Variants in OR51G2 observed in about 807,000 individuals in gnomAD.
The protein encoded by OR51G2 is olfactory receptor family 51 subfamily G member 2, also known as olfactory receptor 51G2.
OR51G2 carries 13 observed loss-of-function variants against 11.8 expected under a neutral mutation model. The ratio of observed to expected loss-of-function variants is 1.10; its 90% CI spans 0.72 to 1.76. The LOEUF is 1.76. Ranked by LOEUF, OR51G2 falls within the 40% of genes most tolerant of loss-of-function variation. OR51G2 has a pLI of 0.00. For missense variants in OR51G2, 474 were observed against 394.4 expected, an observed-to-expected ratio of 1.20 and a Z score of -1.71; for synonymous variants, 178 against 151.9, an observed-to-expected ratio of 1.17 and a Z score of -1.26.
rs1044737742 is a variant in OR51G2, at chr11:4,915,683, G to C, written c.-20C>G. Reference sequence around the variant, plus strand: ...GGTCATTGTGTGAGGAGACAAGGGGGAAGGTGGGTGCCCTCCAAAATCCTG... The same window carrying C: ...GGTCATTGTGTGAGGAGACAAGGGGCAAGGTGGGTGCCCTCCAAAATCCTG... On this transcript the variant is annotated 5_prime_UTR_variant, in exon 2 of 2. Transcript: ENST00000641926. 3 of 1,575,844 alleles carry C rather than the reference G, an allele frequency of 1.9e-6. No homozygotes were observed. Among genetic ancestry groups the C allele is most frequent in the Admixed American group, 3.5e-5 (2 of 57,894 alleles).
Position 4,915,273 on chromosome 11 carries a change from T to G in OR51G2, c.391A>C (p.Ile131Leu). Residue 131 changes from isoleucine to leucine, a missense_variant, in exon 2 of 2, where the codon ATC becomes CTC. Coordinates refer to ENST00000641926, the MANE Select transcript of OR51G2 (RefSeq NM_001005238.2). ...GAAACATAGTGCAAGGGGTGGCAGA[T>G]AGCCACAAAGCGGTCAAAGGCCATA... is the stretch of plus-strand genomic sequence containing the variant. ...LSMAFDRFVA[I>L]CHPLHYVSIL... 6.2e-7 allele frequency: 1 copy of G among 1,613,904 alleles called. No individual in the cohort carries two copies. The highest frequency in any genetic ancestry group is 8.5e-7 in the Non-Finnish European group (1 of 1,179,984).
At chr11:4,917,073 G>A (rs1400720757) in intron 1 of OR51G2, among the ~76,000 whole-genome samples, 1 of 152,188 alleles carries the variant, frequency 6.6e-6, no homozygotes, top group African/African-American at 2.4e-5. Context: ...AGCTCAAAGA[G>A]GGTAGGGGCT....
chr11:4,915,207 A>T lies in OR51G2; in HGVS notation c.457T>A (p.Ser153Thr). 1.2e-6 allele frequency: 2 copies of T among 1,614,090 alleles called. No individual in the cohort carries two copies. The highest frequency in any genetic ancestry group is 8.5e-7 in the Non-Finnish European group (1 of 1,180,024). ...ATGAGTGCTACACTACGACCCAGAG[A>T]GACCAGGCCAATCCTGCCAATGACT... ...NTVIGRIGLV[S>T]LGRSVALIFP... The change falls in exon 2 of 2, where the codon TCT becomes ACT. Residue 153 changes from serine (S) to threonine (T), a missense_variant. Coordinates refer to ENST00000641926, the MANE Select transcript of OR51G2 (RefSeq NM_001005238.2).
rs1267510129 is a variant in OR51G2 at position 4,914,790 on chromosome 11, T to C, written c.874A>G (p.Met292Val). 1.2e-6 allele frequency: 2 copies of C among 1,613,774 alleles called. No homozygotes were observed. Among genetic ancestry groups the C allele is most frequent in the Non-Finnish European group, 1.7e-6 (2 of 1,179,976 alleles). The change falls in exon 2 of 2, where the codon ATG becomes GTG. Residue 292 changes from methionine (M) to valine (V), a missense_variant. Transcript: ENST00000641926. Reference protein sequence around the residue: ...GFMYLLFPPVMNPIVYSVKTK... With the variant: ...GFMYLLFPPVVNPIVYSVKTK... ...TTCACACTGTAGACAATGGGATTCA[T>C]CACAGGAGGAAAGAGAAGATACATG...
chr11:4,915,005 A>T lies in OR51G2; in HGVS notation c.659T>A (p.Leu220His), dbSNP rs773592600. The T allele has an allele frequency of 2.5e-6, 4 of 1,614,084 alleles. No individual in the cohort carries two copies. The highest frequency in any genetic ancestry group is 3.4e-6 in the Non-Finnish European group (4 of 1,180,010). ...GCGCAGGATCAGAGCATAAGAGAAG[A>T]GGATGAGCAGTGAGTCTATACCCAC... is the stretch of plus-strand genomic sequence containing the variant. Reference protein sequence around the residue: ...STVGIDSLLILFSYALILRTV... With the variant: ...STVGIDSLLIHFSYALILRTV... The change falls in exon 2 of 2, where the codon CTC (leucine) becomes CAC (histidine). Residue 220 changes from leucine (L) to histidine (H), a missense_variant. Physicochemically the swap from Leu to His is moderately conservative, Grantham distance 99 (BLOSUM62 -3). Coordinates refer to ENST00000641926, the MANE Select transcript of OR51G2 (RefSeq NM_001005238.2).
intron 1 of OR51G2, among the ~76,000 whole-genome samples, chr11:4,916,810 C>G (rs1589938517): frequency 6.6e-6 from 1 of 152,228 alleles, no homozygotes; most frequent in Non-Finnish European, 1.5e-5. Flanking sequence ...GTCCAGGAAT[C>G]CAACTGCTGT....
Position 4,914,604 on chromosome 11 carries a change from G to T in OR51G2, c.*115C>A. The T allele has an allele frequency of 1.4e-6, 1 of 725,706 alleles. No homozygotes were observed. Among genetic ancestry groups the T allele is most frequent in the South Asian group, 1.9e-5 (1 of 53,100 alleles). 45.0% of individuals were successfully genotyped at this position (725,706 alleles called of 1,614,324 possible). On this transcript the variant is annotated 3_prime_UTR_variant, in exon 2 of 2. Transcript: ENST00000641926. ...TCTGTAAGGACTGTAACTCATCCCT[G>T]TACATGTTTGTTGAGTAAGTAAATG...
chr11:4,914,608 A>G lies in OR51G2; in HGVS notation c.*111T>C. ...TAAGGACTGTAACTCATCCCTGTAC[A>G]TGTTTGTTGAGTAAGTAAATGTCTC... On this transcript the variant is annotated 3_prime_UTR_variant, in exon 2 of 2. Transcript: ENST00000641926. 1.4e-6 allele frequency: 1 copy of G among 740,630 alleles called. No individual in the cohort carries two copies. The highest frequency in any genetic ancestry group is 2.2e-6 in the Non-Finnish European group (1 of 449,064). 45.9% of individuals were successfully genotyped at this position (740,630 alleles called of 1,614,324 possible).
chr11:4,918,876 C>A (rs141973172), intron 1 of OR51G2, among the ~76,000 whole-genome samples: 1 of 152,194 alleles, frequency 6.6e-6, no homozygotes, highest in Non-Finnish European at 1.5e-5. Flanking sequence ...TACTTCCTAT[C>A]CATCTCCTTG....
rs1250871355 is a variant in OR51G2, at chr11:4,913,973, TACA to T, written c.*743_*745del. Reference sequence around the variant, plus strand: ...ACCAATTTCTTTTTTCTTTGAAGAATACAATTAACATGTGATTGTATAACGAAT... The same window carrying T: ...ACCAATTTCTTTTTTCTTTGAAGAATATTAACATGTGATTGTATAACGAAT... On this transcript the variant is annotated 3_prime_UTR_variant, in exon 2 of 2. Coordinates refer to ENST00000641926, the MANE Select transcript of OR51G2 (RefSeq NM_001005238.2). 4 of 152,226 alleles carry T rather than the reference TACA, an allele frequency of 2.6e-5. No individual in the cohort carries two copies. The highest frequency in any genetic ancestry group is 9.6e-5 in the African/African-American group (4 of 41,464). 9.4% of individuals were successfully genotyped at this position (152,226 alleles called of 1,614,324 possible).
chr11:4,917,301 C>T (rs1012321311), intron 1 of OR51G2, among the ~76,000 whole-genome samples: 1 of 152,106 alleles, frequency 6.6e-6, no homozygotes, highest in Non-Finnish European at 1.5e-5. Flanking sequence ...ATTTACATTT[C>T]TAAGATCAGA....
intron 1 of OR51G2, among the ~76,000 whole-genome samples, chr11:4,916,297 T>C (rs1190167229): frequency 6.6e-6 from 1 of 152,108 alleles, no homozygotes; most frequent in African/African-American, 2.4e-5. Context: ...CCTTGTGTTG[T>C]AGTCCTTGCT....
chr11:4,915,907 C>A (rs1330014857), intron 1 of OR51G2, among the ~76,000 whole-genome samples, 168 bp from the exon 2 acceptor site: 2 of 152,122 alleles, frequency 1.3e-5, no homozygotes, highest in South Asian at 2.1e-4. Flanking sequence ...AAGTGATGAG[C>A]CAAACTGGGT....
chr11:4,917,348 T>C (rs1851112084), intron 1 of OR51G2, among the ~76,000 whole-genome samples: 2 of 152,166 alleles, frequency 1.3e-5, no homozygotes, highest in Admixed American at 6.5e-5. Flanking sequence ...TGAACGAATA[T>C]TTGATTTTTC....
In OR51G2 at chr11:4,919,307, C is replaced by G. The variant is rs1851146860; in HGVS notation, c.-207G>C. Reference sequence around the variant, plus strand: ...ACACTCAGCATCAAACACCTGGCTACTATATGAACTCCTCGCATACCAAGG... The same window carrying G: ...ACACTCAGCATCAAACACCTGGCTAGTATATGAACTCCTCGCATACCAAGG... On this transcript the variant is annotated 5_prime_UTR_variant, in exon 1 of 2. Coordinates refer to ENST00000641926, the MANE Select transcript of OR51G2 (RefSeq NM_001005238.2). 6.6e-6 allele frequency: 1 copy of G among 152,224 alleles called. No individual in the cohort carries two copies. The highest frequency in any genetic ancestry group is 1.5e-5 in the Non-Finnish European group (1 of 68,076). 9.4% of individuals were successfully genotyped at this position (152,224 alleles called of 1,614,324 possible).
chr11:4,916,087 G>A (rs1851086293), intron 1 of OR51G2, among the ~76,000 whole-genome samples: 1 of 152,018 alleles, frequency 6.6e-6, no homozygotes, highest in Non-Finnish European at 1.5e-5. Context: ...GGGAGGCCGA[G>A]GCGGGCGGAT....
rs948212757 is a variant in OR51G2, at chr11:4,914,551, C to A, written c.*168G>T. Reference sequence around the variant, plus strand: ...CACATCATATTACATTTTACCCCCCCCTGCCCTGGCCACAACAGAGTGAGG... The same window carrying A: ...CACATCATATTACATTTTACCCCCCACTGCCCTGGCCACAACAGAGTGAGG... On this transcript the variant is annotated 3_prime_UTR_variant, in exon 2 of 2. Transcript: ENST00000641926. 8.9e-5 allele frequency: 51 copies of A among 573,972 alleles called. No homozygotes were observed. The highest frequency in any genetic ancestry group is 2.6e-4 in the Middle Eastern group (1 of 3,802). 35.6% of individuals were successfully genotyped at this position (573,972 alleles called of 1,614,324 possible).
intron 1 of OR51G2, among the ~76,000 whole-genome samples, chr11:4,917,596 T>G (rs1045132137): frequency 6.6e-6 from 1 of 152,204 alleles, no homozygotes. Context: ...GAAGATCATA[T>G]AGGCTCTCAC....
Position 4,915,201 on chromosome 11 carries a change from C to T in OR51G2, c.463G>A (p.Gly155Ser), listed in dbSNP as rs766112888. The T allele has an allele frequency of 1.9e-6, 3 of 1,613,844 alleles. No individual in the cohort carries two copies. The highest frequency in any genetic ancestry group is 3.3e-5 in the Admixed American group (2 of 59,996). Residue 155 changes from glycine to serine, a missense_variant, in exon 2 of 2, where the codon GGT becomes AGT. Coordinates refer to ENST00000641926, the MANE Select transcript of OR51G2 (RefSeq NM_001005238.2). ...VIGRIGLVSL[G>S]RSVALIFPLP... ...GGAAAAATGAGTGCTACACTACGAC[C>T]CAGAGAGACCAGGCCAATCCTGCCA...
Sources: gnomAD v4.1 joint callset for allele counts (sites outside exome capture counted in the v4.1 genomes callset) on GRCh38, gnomAD v4.1.1 for gene constraint, MANE v1.5 for transcripts, NCBI Gene and HGNC (gene_info 2026-07-23, HGNC 2026-07-21) for gene names.